CASK: variants seen among roughly 807,000 people sequenced by gnomAD.
CASK encodes peripheral plasma membrane protein CASK.
A neutral mutation model predicts 82.9 loss-of-function variants in CASK; 4 were observed. That is an observed-to-expected ratio of 0.05 (90% CI 0.02 to 0.11). CASK has a LOEUF of 0.11. Among genes scored for constraint, CASK ranks in the 10% least tolerant of loss-of-function variants. The probability of loss-of-function intolerance (pLI) is 1.00; values close to 1 mark genes in which losing one functional copy is unlikely to be tolerated. For synonymous variants in CASK, 259 were observed against 253.5 expected, an observed-to-expected ratio of 1.02 and a Z score of -0.20; for missense variants, 358 against 720.9, an observed-to-expected ratio of 0.50 and a Z score of 5.76.
intron 5 of CASK, among the ~76,000 whole-genome samples, chrX:41,722,568 T>A (rs1333387903): frequency 8.9e-6 from 1 of 112,227 alleles, no homozygotes; most frequent in African/African-American, 3.2e-5. Flanking sequence ...GACTTGGATG[T>A]AAGGCACATA....
chrX:41,598,374 C>T (rs1350083860), intron 12 of CASK, among the ~76,000 whole-genome samples: 3 of 110,850 alleles, frequency 2.7e-5, no homozygotes, highest in African/African-American at 6.6e-5. Flanking sequence ...TTTTTTGAGA[C>T]GGGGTCTTGC....
At chrX:41,790,346 C>T in intron 2 of CASK, 2 of 217,497 alleles carry the variant, frequency 9.2e-6, no homozygotes, top group Non-Finnish European at 1.6e-5. Context: ...GGATTATAGG[C>T]ATGAGCCACT....
chrX:41,826,996 C>T (rs768619549), intron 2 of CASK, among the ~76,000 whole-genome samples: 1 of 111,722 alleles, frequency 9.0e-6, no homozygotes, highest in South Asian at 3.7e-4. Context: ...AACTGAAATG[C>T]TAGCAGTTTA....
chrX:41,903,342 T>C (rs1486912330), intron 1 of CASK, among the ~76,000 whole-genome samples: 2 of 111,699 alleles, frequency 1.8e-5, no homozygotes, highest in Non-Finnish European at 3.8e-5. Context: ...GCATTTAGGG[T>C]ACTGAAAATA....
intron 1 of CASK, among the ~76,000 whole-genome samples, chrX:41,914,867 G>A (rs890936514): frequency 3.6e-5 from 4 of 111,938 alleles, no homozygotes; most frequent in African/African-American, 1.3e-4. Flanking sequence ...TGTTGGTTCT[G>A]AGATAGATTT....
At chrX:41,733,175 CAAA>C (rs200021916) in intron 5 of CASK, among the ~76,000 whole-genome samples, 2 of 53,381 alleles carry the variant, frequency 3.7e-5, no homozygotes, top group Non-Finnish European at 3.4e-5. Context: ...GATTCCATCT[CAAA>C]AAAAAAAAAA....
At chrX:41,613,627 ATT>A (rs1429062021) in intron 11 of CASK, among the ~76,000 whole-genome samples, 3 of 98,577 alleles carry the variant, frequency 3.0e-5, no homozygotes, top group African/African-American at 1.2e-4. Flanking sequence ...AGAATGATCA[ATT>A]AAAAAAAAAA....
intron 2 of CASK, among the ~76,000 whole-genome samples, chrX:41,822,351 A>C (rs1373638110): frequency 9.1e-6 from 1 of 109,964 alleles, no homozygotes; most frequent in Non-Finnish European, 1.9e-5. Context: ...TGAGCTCAAG[A>C]GTTCAAGACC....
intron 2 of CASK, among the ~76,000 whole-genome samples, chrX:41,823,299 G>A (rs5918252): frequency 0.17 from 18,087 of 106,381 alleles, 1,440 homozygotes; most frequent in Middle Eastern, 0.3. Flanking sequence ...GCTGCCTATC[G>A]AAGATCTCAG....
At chrX:41,761,749 G>A (rs1184138321) in intron 3 of CASK, among the ~76,000 whole-genome samples, 1 of 111,836 alleles carries the variant, frequency 8.9e-6, no homozygotes, top group African/African-American at 3.2e-5. Flanking sequence ...GAAAAAAATA[G>A]AAGTCCTTGA....
intron 11 of CASK, among the ~76,000 whole-genome samples, chrX:41,615,304 C>A (rs142491417): frequency 9.0e-6 from 1 of 110,931 alleles, no homozygotes; most frequent in African/African-American, 3.3e-5. Context: ...TCAGAGTGCC[C>A]CCCCCTCCAT....
chrX:41,579,564 A>G (rs1377175246), intron 14 of CASK, among the ~76,000 whole-genome samples: 1 of 111,961 alleles, frequency 8.9e-6, no homozygotes, highest in African/African-American at 3.2e-5. Context: ...AAGCATAAAT[A>G]TTTGAACATT....
chrX:41,626,830 A>G (rs2066386620), intron 9 of CASK, 127 bp from the exon 10 acceptor site: 3 of 493,396 alleles, frequency 6.1e-6, no homozygotes, highest in East Asian at 7.4e-5. Context: ...TGGCTAGAAG[A>G]GAGGTAGTTT....
intron 5 of CASK, among the ~76,000 whole-genome samples, chrX:41,701,319 T>G (rs1420743191): frequency 8.9e-6 from 1 of 111,947 alleles, no homozygotes; most frequent in Admixed American, 9.5e-5. Flanking sequence ...ATTCATAGAT[T>G]TGACTTAAAA....
intron 5 of CASK, among the ~76,000 whole-genome samples, chrX:41,716,199 T>G (rs1049982930): frequency 2.7e-5 from 3 of 112,159 alleles, no homozygotes; most frequent in Non-Finnish European, 5.6e-5. Flanking sequence ...CAGATTTGGA[T>G]GGCTGTCACT....
At chrX:41,799,626 C>T (rs1335475198) in intron 2 of CASK, among the ~76,000 whole-genome samples, 2 of 108,321 alleles carry the variant, frequency 1.8e-5, no homozygotes, top group East Asian at 5.8e-4. Context: ...ATATCTCTCC[C>T]CTGGAGAGAC....
intron 3 of CASK, among the ~76,000 whole-genome samples, chrX:41,747,053 C>A (rs768733220): frequency 9.1e-6 from 1 of 109,902 alleles, no homozygotes; most frequent in South Asian, 4.0e-4. Flanking sequence ...TCAATGTACC[C>A]CTACCTAATA....
chrX:41,691,279 C>G (rs1377890024), intron 5 of CASK, among the ~76,000 whole-genome samples: 2 of 111,722 alleles, frequency 1.8e-5, no homozygotes, highest in Admixed American at 9.5e-5. Flanking sequence ...GGCAATCATT[C>G]TGATGAATGA....
intron 5 of CASK, among the ~76,000 whole-genome samples, chrX:41,704,691 G>T (rs1269497378): frequency 8.9e-6 from 1 of 112,045 alleles, no homozygotes; most frequent in Admixed American, 9.5e-5. Context: ...TTATGGTAAG[G>T]CTGAATCCAA....
Sources: allele counts gnomAD v4.1 joint callset (sites outside exome capture counted in the v4.1 genomes callset), GRCh38; gene constraint gnomAD v4.1.1; transcripts MANE v1.5; gene names NCBI Gene and HGNC (gene_info 2026-07-23, HGNC 2026-07-21).